The following C5orf63 variants were observed in gnomAD, a reference collection of about 807,000 sequenced individuals.
The protein encoded by C5orf63 is chromosome 5 open reading frame 63.
In C5orf63, 18 loss-of-function variants were observed where a neutral mutation model predicts 13.3. The observed-to-expected ratio is 1.36, with a 90% confidence interval of 0.94 to 2.01. The LOEUF (loss-of-function observed/expected upper bound fraction) is 2.01, where lower values mean the gene tolerates loss of function less well. Among genes scored for constraint, C5orf63 ranks in the 30% most tolerant of loss-of-function variants. The pLI is 0.00. For missense variants in C5orf63, 118 were observed against 127.7 expected (o/e 0.92, Z 0.36); for synonymous variants, 38 against 44.7 (o/e 0.85, Z 0.60).
At chr5:127,047,866 GGGGAGC>G (rs1354632527), downstream of C5orf63, 1 of 703,746 alleles carries the variant, frequency 1.4e-6, no homozygotes, top group Admixed American at 2.0e-5. Context: ...AGGTGAGGAA[GGGGAGC>G]GTCTTCTCCT....
chr5:127,047,809 G>GTTAA, downstream of C5orf63: 1 of 703,964 alleles, frequency 1.4e-6, no homozygotes, highest in Non-Finnish European at 2.6e-6. Context: ...TTGGTTTAAA[G>GTTAA]TTAAGTTGTA....
downstream of C5orf63, chr5:127,047,610 T>C: frequency 1.5e-6 from 1 of 658,198 alleles, no homozygotes; most frequent in Non-Finnish European, 2.7e-6. Flanking sequence ...AAATATGGGA[T>C]ACCTTCAGAA....
chr5:127,052,310 A>G (rs1753707953), intron 4 of C5orf63: 2 of 334,524 alleles, frequency 6.0e-6, no homozygotes, highest in African/African-American at 4.2e-5. Flanking sequence ...ACATCAGTGC[A>G]AACTGCAAAA....
chr5:127,071,881 T>C (rs1037784648), intron 1 of C5orf63, 196 bp from the exon 2 acceptor site: 1 of 152,176 alleles, frequency 6.6e-6, no homozygotes, highest in Non-Finnish European at 1.5e-5. Context: ...AATAACCTAT[T>C]TTAAAGGGAT....
chr5:127,054,305 C>T (rs186987762), intron 3 of C5orf63, among the ~76,000 whole-genome samples: 24 of 152,236 alleles, frequency 1.6e-4, no homozygotes, highest in Admixed American at 3.9e-4. Flanking sequence ...CTTGAGGAAT[C>T]GCCACACTGT....
chr5:127,057,229 AT>A lies in C5orf63; in HGVS notation c.114+1652del, dbSNP rs528277178. 3.4e-3 allele frequency among the ~76,000 whole-genome samples: 521 copies of A among 152,364 alleles called. 1 individual carries two copies. The highest frequency in any genetic ancestry group is 0.012 in the African/African-American group (497 of 41,586). Reference sequence around the variant, plus strand: ...TAGTTTAGATTAAATATTTTCATCAATAAATTCATTTTTAAAACTCATTAAA... The same window carrying A: ...TAGTTTAGATTAAATATTTTCATCAAAAATTCATTTTTAAAACTCATTAAA... On this transcript the variant is annotated intron_variant, in intron 3 of 4. Transcript: ENST00000296662.
Position 127,053,879 on chromosome 5 carries a change from T to A in C5orf63, c.115-1210A>T, listed in dbSNP as rs147062949. Among the ~76,000 whole-genome samples the A allele has an allele frequency of 6.2e-3, 951 of 152,322 alleles. 6 individuals carry two copies. The highest frequency in any genetic ancestry group is 8.2e-3 in the Non-Finnish European group (561 of 68,020). ...TCCAAGTCTTTGCTATTGTGAACAG[T>A]GTCGCAATAAACATACCTGTGCATG... On this transcript the variant is annotated intron_variant, in intron 3 of 4. Coordinates refer to ENST00000296662, the MANE Select transcript of C5orf63 (RefSeq NM_001164478.2).
downstream of C5orf63, chr5:127,043,077 G>A (rs1295989343): frequency 1.3e-5 from 2 of 152,120 alleles, no homozygotes; most frequent in African/African-American, 4.8e-5. Flanking sequence ...GAAGGCATCT[G>A]CTGGTCTCAC....
At chr5:127,062,972 AAAG>A (rs1561491586) in intron 2 of C5orf63, among the ~76,000 whole-genome samples, 1 of 152,060 alleles carries the variant, frequency 6.6e-6, no homozygotes, top group South Asian at 2.1e-4. Context: ...TCACAATACC[AAAG>A]AAGAACAATT....
chr5:127,052,862 T>C (rs1753732973), intron 3 of C5orf63, among the ~76,000 whole-genome samples, 193 bp from the exon 4 acceptor site: 1 of 152,256 alleles, frequency 6.6e-6, no homozygotes, highest in African/African-American at 2.4e-5. Flanking sequence ...TAATATTTCA[T>C]AGGCTCTGTG....
intron 1 of C5orf63, among the ~76,000 whole-genome samples, chr5:127,072,697 C>T (rs1245384202): frequency 6.6e-6 from 1 of 152,010 alleles, no homozygotes; most frequent in South Asian, 2.1e-4. Flanking sequence ...TATTAATAAA[C>T]AAGAATAAAG....
chr5:127,068,459 A>T (rs946795688), intron 2 of C5orf63, among the ~76,000 whole-genome samples: 2 of 152,194 alleles, frequency 1.3e-5, no homozygotes, highest in Non-Finnish European at 2.9e-5. Flanking sequence ...GGAAGGTGAC[A>T]CTAAGGCACT....
intron 2 of C5orf63, among the ~76,000 whole-genome samples, chr5:127,060,779 G>T (rs1754074899): frequency 6.6e-6 from 1 of 152,186 alleles, no homozygotes. Flanking sequence ...TGGGCCTCAT[G>T]TAATCTCCTT....
At chr5:127,046,128 TCTAA>T (rs1381349948) in exon 5 of C5orf63, 2 of 152,234 alleles carry the variant, frequency 1.3e-5, no homozygotes, top group Admixed American at 6.5e-5. Flanking sequence ...GTTTTGCACT[TCTAA>T]CTTTTATCTT....
downstream of C5orf63, among the ~76,000 whole-genome samples, chr5:127,048,456 A>C (rs1753575526): frequency 6.6e-6 from 1 of 152,050 alleles, no homozygotes; most frequent in Non-Finnish European, 1.5e-5. Context: ...AGTGAGTCCA[A>C]CTTATGCCCC....
chr5:127,055,595 C>T (rs893986584), intron 3 of C5orf63, among the ~76,000 whole-genome samples: 2 of 152,126 alleles, frequency 1.3e-5, no homozygotes, highest in Non-Finnish European at 2.9e-5. Flanking sequence ...CCCTAATTTC[C>T]TAGAACAGAG....
At chr5:127,047,892 C>T (rs1158330519), downstream of C5orf63, 2 of 701,682 alleles carry the variant, frequency 2.9e-6, no homozygotes, top group Non-Finnish European at 5.2e-6. Context: ...TTGTTCCTGG[C>T]AGCTTCTGAT....
chr5:127,066,307 T>TCATA, intron 2 of C5orf63, among the ~76,000 whole-genome samples: 1 of 152,220 alleles, frequency 6.6e-6, no homozygotes. Flanking sequence ...TGACATGATC[T>TCATA]CATATACATT....
intron 4 of C5orf63, chr5:127,052,373 G>A: frequency 2.6e-6 from 1 of 380,374 alleles, no homozygotes; most frequent in Non-Finnish European, 4.6e-6. Context: ...TGCTGCACCT[G>A]CTAGTTAACT....
Sources: gnomAD v4.1 joint callset for allele counts (sites outside exome capture counted in the v4.1 genomes callset) on GRCh38, gnomAD v4.1.1 for gene constraint, MANE v1.5 for transcripts, NCBI Gene and HGNC (gene_info 2026-07-23, HGNC 2026-07-21) for gene names.